MSI1: variants seen among roughly 807,000 people sequenced by gnomAD.
The protein encoded by MSI1 is musashi RNA binding protein 1.
In MSI1, 15 loss-of-function variants were observed where a neutral mutation model predicts 54.4. The ratio of observed to expected loss-of-function variants is 0.28; its 90% CI spans 0.18 to 0.42. MSI1 has a LOEUF of 0.42. Ranked by LOEUF, MSI1 falls within the 20% of genes least tolerant of loss-of-function variation. The pLI is 1.00. For missense variants in MSI1, 304 were observed against 506.0 expected (o/e 0.60, Z 3.83); for synonymous variants, 200 against 196.5 (o/e 1.02, Z -0.15).
chr12:120,354,253 G>C (rs1363707365), intron 9 of MSI1, among the ~76,000 whole-genome samples: 2 of 152,020 alleles, frequency 1.3e-5, no homozygotes, highest in Non-Finnish European at 2.9e-5. Context: ...GGAATTACAA[G>C]CATGAGCCAC....
chr12:120,368,305 C>T lies in MSI1; in HGVS notation c.101-32G>A, dbSNP rs1291366208. On this transcript the variant is annotated intron_variant, in intron 2 of 14. Transcript: ENST00000257552. The surrounding 1 kb of genome is among the most constrained non-coding windows in gnomAD (Gnocchi z 6.6). ...CCACACACCCGCCTTCGGACCAGCC[C>T]GGGCCCCGCGCCCTTCCCCCCCCCC... is the stretch of plus-strand genomic sequence containing the variant. The T allele has an allele frequency of 1.4e-5, 21 of 1,531,850 alleles. No individual in the cohort carries two copies. The highest frequency in any genetic ancestry group is 1.8e-5 in the Non-Finnish European group (21 of 1,142,862). 94.9% of individuals were successfully genotyped at this position (1,531,850 alleles called of 1,614,324 possible). A position where few individuals can be genotyped will look rare whatever the true frequency, so the allele number is the denominator to read the frequency against.
chr12:120,351,632 G>C (rs974177013), intron 10 of MSI1, among the ~76,000 whole-genome samples: 1 of 151,958 alleles, frequency 6.6e-6, no homozygotes, highest in Non-Finnish European at 1.5e-5. Context: ...CCCTGGGCAC[G>C]GGGCAGGGCT....
chr12:120,353,257 C>G (rs770566726), intron 10 of MSI1, 42 bp downstream of exon 10: 17 of 1,594,364 alleles, frequency 1.1e-5, no homozygotes, highest in Non-Finnish European at 2.6e-6. Flanking sequence ...GCCCGGGAAC[C>G]AGGGGCATGC....
chr12:120,367,270 T>C (rs919039045), intron 4 of MSI1, among the ~76,000 whole-genome samples: 8 of 152,010 alleles, frequency 5.3e-5, no homozygotes, highest in African/African-American at 9.7e-5. Context: ...CCCCATCACA[T>C]GGGAGTAACC....
chr12:120,354,283 C>T (rs969362469), intron 9 of MSI1, among the ~76,000 whole-genome samples: 4 of 152,142 alleles, frequency 2.6e-5, no homozygotes, highest in African/African-American at 9.7e-5. Flanking sequence ...CCAGAAAGTA[C>T]TCATGATTTC....
At position 120,368,390 on chromosome 12, in the gene MSI1, G is replaced by A. The variant is rs1465074326; in HGVS notation, c.101-117C>T. On this transcript the variant is annotated intron_variant, in intron 2 of 14. Transcript: ENST00000257552. The surrounding 1 kb of genome is among the most constrained non-coding windows in gnomAD (Gnocchi z 6.6). The stretch of plus-strand genomic sequence containing the variant: ...GCCGCCCCCGCGCCAAGCTGCCCGC[G>A]CGTTCTCCACTGCCGCCGCCCCCCA... 45 of 1,104,392 alleles carry A rather than the reference G, an allele frequency of 4.1e-5. No individual in the cohort carries two copies. The highest frequency in any genetic ancestry group is 5.1e-5 in the Non-Finnish European group (41 of 808,350). 68.4% of individuals were successfully genotyped at this position (1,104,392 alleles called of 1,614,324 possible). A position where few individuals can be genotyped will look rare whatever the true frequency, so the allele number is the denominator to read the frequency against.
chr12:120,363,959 T>C (rs761198110), intron 5 of MSI1, among the ~76,000 whole-genome samples: 2 of 152,202 alleles, frequency 1.3e-5, no homozygotes, highest in Non-Finnish European at 2.9e-5. Context: ...GGACCCATGA[T>C]AAGTCAGTAA....
At chr12:120,347,085 G>A (rs1874192775) in intron 12 of MSI1, among the ~76,000 whole-genome samples, 1 of 152,176 alleles carries the variant, frequency 6.6e-6, no homozygotes, top group African/African-American at 2.4e-5. Flanking sequence ...GAGTAGCTGG[G>A]ATTACAGGCG....
chr12:120,340,031 C>T (rs1478817137), downstream of MSI1, among the ~76,000 whole-genome samples: 1 of 151,854 alleles, frequency 6.6e-6, no homozygotes, highest in Non-Finnish European at 1.5e-5. Context: ...ATCCGCCTTC[C>T]TCAGCCTCCC....
At chr12:120,366,902 G>C (rs933189758) in intron 4 of MSI1, among the ~76,000 whole-genome samples, 9 of 152,160 alleles carry the variant, frequency 5.9e-5, no homozygotes, top group Non-Finnish European at 1.2e-4. Context: ...TGAGGACAGG[G>C]GATGGTAGCA....
chr12:120,348,765 T>C (rs2136913434), intron 11 of MSI1, among the ~76,000 whole-genome samples: 1 of 152,108 alleles, frequency 6.6e-6, no homozygotes. Flanking sequence ...TGGTGGTGCA[T>C]GCCTGTAATC....
Position 120,347,428 on chromosome 12 carries a change from C to A in MSI1, c.859+18G>T. On this transcript the variant is annotated intron_variant, in intron 12 of 14. Transcript: ENST00000257552. ...CTGTGCTCCCTCATCTCTCTTCCTG[C>A]ACCTCAGAAGAGCTCACCTGTCCCT... 2 of 1,613,852 alleles carry A rather than the reference C, an allele frequency of 1.2e-6. No individual in the cohort carries two copies. The highest frequency in any genetic ancestry group is 1.1e-5 in the South Asian group (1 of 91,082).
chr12:120,350,329 C>T (rs1474816017), intron 11 of MSI1, among the ~76,000 whole-genome samples: 1 of 152,142 alleles, frequency 6.6e-6, no homozygotes, highest in Non-Finnish European at 1.5e-5. Context: ...GCCCAGCACA[C>T]ACAGTTCTTA....
chr12:120,348,466 C>T (rs950947128), intron 11 of MSI1, among the ~76,000 whole-genome samples: 2 of 152,206 alleles, frequency 1.3e-5, no homozygotes, highest in Admixed American at 6.6e-5. Context: ...AATACCCCCA[C>T]TCAGGCGGCC....
chr12:120,354,103 G>A (rs1874871246), intron 9 of MSI1, among the ~76,000 whole-genome samples: 1 of 151,990 alleles, frequency 6.6e-6, no homozygotes, highest in Non-Finnish European at 1.5e-5. Context: ...TCCTGCCTCA[G>A]CCTCCCTAGT....
intron 11 of MSI1, 63 bp from the exon 12 acceptor site, chr12:120,347,577 C>T (rs1344463617): frequency 1.3e-6 from 2 of 1,599,318 alleles, no homozygotes; most frequent in Non-Finnish European, 8.6e-7. Flanking sequence ...TGAAGGAGGC[C>T]CCTACCTTTT....
chr12:120,339,723 T>C (rs1193310503), downstream of MSI1, among the ~76,000 whole-genome samples: 1 of 151,930 alleles, frequency 6.6e-6, no homozygotes, highest in Non-Finnish European at 1.5e-5. Context: ...GCAACATCCT[T>C]ATCTTCGAGG....
At chr12:120,343,711 C>G (rs900428501) in intron 14 of MSI1, among the ~76,000 whole-genome samples, 1 of 152,198 alleles carries the variant, frequency 6.6e-6, no homozygotes. Context: ...TGAGAGAGGA[C>G]TTTGTCTGTC....
chr12:120,366,958 C>A, intron 4 of MSI1, among the ~76,000 whole-genome samples: 1 of 152,194 alleles, frequency 6.6e-6, no homozygotes, highest in East Asian at 1.9e-4. Flanking sequence ...CAATAGGCCA[C>A]TGTCTCTCCA....
Sources: allele counts gnomAD v4.1 joint callset (sites outside exome capture counted in the v4.1 genomes callset), GRCh38; gene constraint gnomAD v4.1.1; non-coding constraint Gnocchi (gnomAD v3.1); transcripts MANE v1.5; gene names NCBI Gene and HGNC (gene_info 2026-07-23, HGNC 2026-07-21).